ELOVL7: variants seen among roughly 807,000 people sequenced by gnomAD.
ELOVL7 encodes the protein very long chain fatty acid elongase 7.
Under a neutral mutation model 35.7 loss-of-function variants are expected in ELOVL7, and 27 were observed. The ratio of observed to expected loss-of-function variants is 0.76; its 90% confidence interval spans 0.56 to 1.04. The LOEUF is 1.04. Ranked by LOEUF, ELOVL7 falls within the 50% of genes least tolerant of loss-of-function variation. The probability of loss-of-function intolerance (pLI) is 0.00; values close to 1 mark genes in which losing one functional copy is unlikely to be tolerated. For synonymous variants in ELOVL7, 113 were observed against 114.6 expected, an observed-to-expected ratio of 0.99 and a Z score of 0.09; for missense variants, 327 against 340.8, an observed-to-expected ratio of 0.96 and a Z score of 0.32.
chr5:60,834,191 G>C (rs1746648658), intron 1 of ELOVL7, among the ~76,000 whole-genome samples: 2 of 152,058 alleles, frequency 1.3e-5, no homozygotes, highest in African/African-American at 4.8e-5. Context: ...GCCCAGGCTG[G>C]AGTGCAGTGG....
chr5:60,754,929 G>A (rs1741446764), intron 8 of ELOVL7, 96 bp from the exon 9 acceptor site: 2 of 941,928 alleles, frequency 2.1e-6, no homozygotes, highest in Admixed American at 2.5e-5. Flanking sequence ...TGCAGGGAGT[G>A]CACTATTGGG....
chr5:60,786,069 G>A (rs1743566205), intron 3 of ELOVL7: 1 of 152,170 alleles, frequency 6.6e-6, no homozygotes, highest in African/African-American at 2.4e-5. Flanking sequence ...AGTGATGGTG[G>A]TGAGTATGTA....
intron 1 of ELOVL7, among the ~76,000 whole-genome samples, chr5:60,838,597 A>G (rs1746969352): frequency 6.6e-6 from 1 of 152,184 alleles, no homozygotes; most frequent in Admixed American, 6.5e-5. Context: ...CTACATTAGA[A>G]AGTCCAAGAA....
At chr5:60,768,258 AATGTGTTTGTGTACTC>A (rs1742363999) in intron 4 of ELOVL7, among the ~76,000 whole-genome samples, 1 of 152,150 alleles carries the variant, frequency 6.6e-6, no homozygotes, top group South Asian at 2.1e-4. Context: ...TGTGTGAGTG[AATGTGTTTGTGTACTC>A]TTAAAGGGAA....
At chr5:60,769,275 C>G (rs148085302) in intron 4 of ELOVL7, among the ~76,000 whole-genome samples, 6 of 152,302 alleles carry the variant, frequency 3.9e-5, no homozygotes, top group African/African-American at 1.4e-4. Flanking sequence ...CTCATATTCT[C>G]TTGTGCTCAG....
chr5:60,770,592 T>A (rs1157818033), intron 4 of ELOVL7, among the ~76,000 whole-genome samples: 1 of 152,182 alleles, frequency 6.6e-6, no homozygotes, highest in Non-Finnish European at 1.5e-5. Flanking sequence ...TTGCTCATAC[T>A]CCTGAAGGGA....
At chr5:60,842,419 A>G (rs1195929370) in intron 1 of ELOVL7, among the ~76,000 whole-genome samples, 1 of 151,318 alleles carries the variant, frequency 6.6e-6, no homozygotes, top group Non-Finnish European at 1.5e-5. Context: ...TGAAGAAGAC[A>G]TGGAAAGCAC....
At chr5:60,802,111 TATA>T (rs1744673936) in intron 1 of ELOVL7, among the ~76,000 whole-genome samples, 1 of 6,678 alleles carries the variant, frequency 1.5e-4, no homozygotes, top group African/African-American at 7.4e-4. Flanking sequence ...TATATATATA[TATA>T]TATACACACA....
In ELOVL7 at chr5:60,751,983, AT is replaced by A. The variant is rs1741307438; in HGVS notation, c.*2640del. ...TAGATATTTAAAAATCTATATTTGT[AT>A]TTATTTATAATATAGATATAGGCCC... On this transcript the variant is annotated 3_prime_UTR_variant, in exon 9 of 9. Coordinates refer to ENST00000508821, the MANE Select transcript of ELOVL7 (RefSeq NM_024930.3). 6.6e-6 allele frequency: 1 copy of A among 152,156 alleles called. No homozygotes were observed. The highest frequency in any genetic ancestry group is 2.4e-5 in the African/African-American group (1 of 41,454). 9.4% of individuals were successfully genotyped at this position (152,156 alleles called of 1,614,324 possible).
chr5:60,800,929 A>C (rs1043029298), intron 1 of ELOVL7, among the ~76,000 whole-genome samples: 2 of 152,038 alleles, frequency 1.3e-5, no homozygotes, highest in African/African-American at 4.8e-5. Context: ...TGTTTTACCG[A>C]TTTATGTATT....
intron 6 of ELOVL7, among the ~76,000 whole-genome samples, chr5:60,764,986 C>T (rs1742150378): frequency 6.6e-6 from 1 of 151,844 alleles, no homozygotes; most frequent in South Asian, 2.1e-4. Flanking sequence ...GGGAAATTTT[C>T]AAAAAATATT....
chr5:60,841,913 G>C (rs557529078), intron 1 of ELOVL7, among the ~76,000 whole-genome samples: 1 of 152,216 alleles, frequency 6.6e-6, no homozygotes, highest in Admixed American at 6.5e-5. Flanking sequence ...CATGTACAAT[G>C]TCTACCAGCT....
intron 2 of ELOVL7, among the ~76,000 whole-genome samples, chr5:60,796,557 A>G (rs1744278990): frequency 6.6e-6 from 1 of 152,356 alleles, no homozygotes; most frequent in East Asian, 1.9e-4. Flanking sequence ...AATCCTCCCA[A>G]GTTGAGAACT....
In ELOVL7 at chr5:60,802,105, TATATATATATATACACAC is replaced by T. The variant is rs1382331534; in HGVS notation, c.-85-2893_-85-2876del. On this transcript the variant is annotated intron_variant, in intron 1 of 8. Coordinates refer to ENST00000508821, the MANE Select transcript of ELOVL7 (RefSeq NM_024930.3). ...ATATATATATATATATATATATATA[TATATATATATATACACAC>T]ACACACACACACATATATCCTATTG... Among the ~76,000 whole-genome samples, 27 of 12,084 alleles carry T rather than the reference TATATATATATATACACAC, an allele frequency of 2.2e-3. 3 individuals are homozygous for T. Among genetic ancestry groups the T allele is most frequent in the African/African-American group, 5.5e-3 (10 of 1,806 alleles). The allele number at this position is 12,084 out of a possible 152,430, so 7.9% of individuals were successfully genotyped here.
At chr5:60,811,293 A>G (rs1745224664) in intron 1 of ELOVL7, among the ~76,000 whole-genome samples, 1 of 152,176 alleles carries the variant, frequency 6.6e-6, no homozygotes, top group Non-Finnish European at 1.5e-5. Flanking sequence ...TATATATACT[A>G]CTATATATAG....
chr5:60,823,472 G>A (rs1746002110), intron 1 of ELOVL7, among the ~76,000 whole-genome samples: 1 of 152,172 alleles, frequency 6.6e-6, no homozygotes, highest in Non-Finnish European at 1.5e-5. Context: ...ACCACTCTAT[G>A]TCCCATGCCT....
At chr5:60,837,343 G>A (rs1278530999) in intron 1 of ELOVL7, among the ~76,000 whole-genome samples, 5 of 145,438 alleles carry the variant, frequency 3.4e-5, no homozygotes, top group Non-Finnish European at 6.1e-5. Context: ...TGGGGGTGGC[G>A]CTTGTCAGGA....
intron 3 of ELOVL7, among the ~76,000 whole-genome samples, chr5:60,775,488 CA>C (rs1268541093): frequency 6.6e-6 from 1 of 152,102 alleles, no homozygotes; most frequent in African/African-American, 2.4e-5. Context: ...TTCTCAAATT[CA>C]TAGAAAACCA....
intron 1 of ELOVL7, among the ~76,000 whole-genome samples, chr5:60,812,846 C>T (rs1300099455): frequency 6.6e-6 from 1 of 152,194 alleles, no homozygotes; most frequent in African/African-American, 2.4e-5. Flanking sequence ...GGCCTCAAGC[C>T]TTTCCATCAT....
Sources: gnomAD v4.1 joint callset for allele counts (sites outside exome capture counted in the v4.1 genomes callset) on GRCh38, gnomAD v4.1.1 for gene constraint, MANE v1.5 for transcripts, NCBI Gene and HGNC (gene_info 2026-07-23, HGNC 2026-07-21) for gene names.